Variants in CABIN1 observed in about 807,000 individuals in gnomAD.
CABIN1 encodes calcineurin-binding protein cabin-1.
CABIN1 carries 133 observed loss-of-function variants against 227.7 expected under a neutral mutation model. The observed-to-expected ratio is 0.58, with a 90% CI of 0.51 to 0.67. The LOEUF (loss-of-function observed/expected upper bound fraction) is 0.67, where lower values mean the gene tolerates loss of function less well. Among genes scored for constraint, CABIN1 ranks in the 30% least tolerant of loss-of-function variants. CABIN1 has a pLI of 0.00. For synonymous variants in CABIN1, 1,086 were observed against 1,155.1 expected, an observed-to-expected ratio of 0.94 and a Z score of 1.21; for missense variants, 2,408 against 2,852.5, an observed-to-expected ratio of 0.84 and a Z score of 3.55.
intron 28 of CABIN1, among the ~76,000 whole-genome samples, chr22:24,131,234 C>T (rs2148133470): frequency 6.6e-6 from 1 of 151,794 alleles, no homozygotes; most frequent in African/African-American, 2.4e-5. Context: ...CACATCTCCT[C>T]CTGCTGGCCT....
chr22:24,029,698 G>T (rs1331046690), intron 1 of CABIN1, among the ~76,000 whole-genome samples: 1 of 152,228 alleles, frequency 6.6e-6, no homozygotes, highest in Non-Finnish European at 1.5e-5. Context: ...AGGAAGAGTG[G>T]TAATGATGGA....
chr22:24,168,915 C>T (rs533269879), intron 33 of CABIN1, among the ~76,000 whole-genome samples: 27 of 152,244 alleles, frequency 1.8e-4, no homozygotes, highest in Admixed American at 1.3e-3. Context: ...GACTGCCCCC[C>T]GCCCCACCGC....
rs538939602 is a variant in CABIN1, at chr22:24,079,261, C to T, written c.2748+2977C>T. On this transcript the variant is annotated intron_variant, in intron 19 of 36. Coordinates refer to ENST00000263119, the MANE Select transcript of CABIN1 (RefSeq NM_012295.4). ...CAAATCCTAGACATTTATATCAATT[C>T]ATCTGTAAGTATTTGTTATTATTTT... Among the ~76,000 whole-genome samples, 7 of 152,256 alleles carry T rather than the reference C, an allele frequency of 4.6e-5. No homozygotes were observed. In the South Asian group the frequency reaches 1.5e-3, roughly 32 times the overall value.
At chr22:24,032,705 A>G (rs774380213) in intron 1 of CABIN1, among the ~76,000 whole-genome samples, 5 of 152,138 alleles carry the variant, frequency 3.3e-5, no homozygotes, top group African/African-American at 4.8e-5. Flanking sequence ...TTTTAATGCT[A>G]TAGTTTCTAC....
intron 28 of CABIN1, among the ~76,000 whole-genome samples, chr22:24,129,115 C>T (rs1450011367): frequency 6.6e-6 from 1 of 152,182 alleles, no homozygotes; most frequent in Non-Finnish European, 1.5e-5. Context: ...CATCTTGGGA[C>T]AGCAGGTGTC....
At position 24,176,137 on chromosome 22, in the gene CABIN1, G is replaced by T; in HGVS notation, c.6067G>T (p.Glu2023Ter). Residue 2023 changes from glutamate (E) to a stop codon, truncating the protein, a stop_gained, in exon 35 of 37, where the codon GAG becomes TAG. Transcript: ENST00000263119. LOFTEE classifies it high-confidence loss of function. ...PEGEELARVA[E>*]GTSFPPQEPR... ...GGGAGAAGAGCTGGCGAGAGTGGCA[G>T]AGGGCACCAGCTTCCCGCCTCAGGA... 1 of 1,610,894 alleles carries T rather than the reference G, an allele frequency of 6.2e-7. No homozygotes were observed. The highest frequency in any genetic ancestry group is 8.5e-7 in the Non-Finnish European group (1 of 1,179,210).
chr22:24,074,228 A>T (rs1410771879), intron 18 of CABIN1, among the ~76,000 whole-genome samples: 1 of 152,192 alleles, frequency 6.6e-6, no homozygotes, highest in South Asian at 2.1e-4. Flanking sequence ...AATTATGCAA[A>T]CAAAAATTAG....
chr22:24,065,689 G>T lies in CABIN1; in HGVS notation c.2038-1298G>T, dbSNP rs566092365. Among the ~76,000 whole-genome samples the T allele has an allele frequency of 1.2e-4, 19 of 152,362 alleles. No individual in the cohort carries two copies. The East Asian group carries it at 1.9e-3, about 15-fold the overall frequency. On this transcript the variant is annotated intron_variant, in intron 15 of 36. Coordinates refer to ENST00000263119, the MANE Select transcript of CABIN1 (RefSeq NM_012295.4). ...GGAGGTTGTAGCAAGCCGAGATCAC[G>T]CCATTGCACTCTAGCCTGGGCACCA...
chr22:24,025,145 T>G (rs2035989798), intron 1 of CABIN1, among the ~76,000 whole-genome samples: 1 of 152,206 alleles, frequency 6.6e-6, no homozygotes, highest in Non-Finnish European at 1.5e-5. Flanking sequence ...AGTATTATAG[T>G]ATGGATAATG....
chr22:24,056,879 C>T (rs1569138975), intron 10 of CABIN1, among the ~76,000 whole-genome samples: 1 of 151,912 alleles, frequency 6.6e-6, no homozygotes, highest in Non-Finnish European at 1.5e-5. Context: ...GAACCAGGCT[C>T]CCCAGAGCTG....
chr22:24,165,235 C>T (rs538571147), intron 30 of CABIN1, among the ~76,000 whole-genome samples: 2 of 152,336 alleles, frequency 1.3e-5, no homozygotes, highest in Admixed American at 6.5e-5. Context: ...CCTGGGGCAC[C>T]CTGGAGCCAG....
chr22:24,013,239 C>T (rs1482230452), intron 1 of CABIN1, among the ~76,000 whole-genome samples: 1 of 147,772 alleles, frequency 6.8e-6, no homozygotes, highest in Non-Finnish European at 1.5e-5. Flanking sequence ...GCCTGTGGCC[C>T]AGGCTGGAGT....
chr22:24,021,915 C>A (rs933397151), intron 1 of CABIN1, among the ~76,000 whole-genome samples: 2 of 151,656 alleles, frequency 1.3e-5, no homozygotes, highest in African/African-American at 4.9e-5. Context: ...GAATCCCCGA[C>A]CTCAGGTGAT....
intron 1 of CABIN1, among the ~76,000 whole-genome samples, chr22:24,017,039 C>CTTT (rs767688741): frequency 1.1e-4 from 13 of 122,224 alleles, no homozygotes; most frequent in South Asian, 5.3e-4. Flanking sequence ...TACAATTTAT[C>CTTT]TTTTTTTTTT....
chr22:24,111,439 G>T (rs1395153339), intron 26 of CABIN1, among the ~76,000 whole-genome samples: 1 of 152,160 alleles, frequency 6.6e-6, no homozygotes, highest in Admixed American at 6.5e-5. Context: ...TCTTATAGGA[G>T]CGTGAACCCT....
At position 24,055,003 on chromosome 22, in the gene CABIN1, T is replaced by C. The variant is rs779625800; in HGVS notation, c.937T>C (p.Ser313Pro). The change falls in exon 9 of 37, where the codon TCC (serine) becomes CCC (proline). Residue 313 changes from serine (S) to proline (P), a missense_variant. By Grantham distance (74) the Ser-to-Pro change is moderately conservative. Coordinates refer to ENST00000263119, the MANE Select transcript of CABIN1 (RefSeq NM_012295.4). ...GGACCCCAGCCAGCCTCTTGAGTCCTCCATGGTGGTGACGCCAGTTAACGT... is the reference window on the plus strand; with the variant it reads ...GGACCCCAGCCAGCCTCTTGAGTCCCCCATGGTGGTGACGCCAGTTAACGT... ...YQDPSQPLES[S>P]MVVTPVNVIQ... The C allele has an allele frequency of 1.2e-6, 2 of 1,614,108 alleles. No homozygotes were observed. The highest frequency in any genetic ancestry group is 3.3e-5 in the Admixed American group (2 of 60,002).
At chr22:24,038,245 C>T in intron 3 of CABIN1, 103 bp from the exon 4 acceptor site, 2 of 854,370 alleles carry the variant, frequency 2.3e-6, no homozygotes, top group East Asian at 5.0e-5. Context: ...TATCTAATCA[C>T]ATGGTTGGTT....
At position 24,169,664 on chromosome 22, in the gene CABIN1, A is replaced by G. The variant is rs1456068912; in HGVS notation, c.5757+1143A>G. Among the ~76,000 whole-genome samples, 5 of 152,312 alleles carry G rather than the reference A, an allele frequency of 3.3e-5. No homozygotes were observed. In the South Asian group the frequency reaches 1.0e-3, roughly 32 times the overall value. On this transcript the variant is annotated intron_variant, in intron 33 of 36. Transcript: ENST00000263119. ...GGGCCCCAGTGCTGGGCGCAGGCCC[A>G]GGCCCAGGTCCACCAGGGTGCCCCT...
At chr22:24,129,536 A>C (rs1026771936) in intron 28 of CABIN1, among the ~76,000 whole-genome samples, 1 of 152,158 alleles carries the variant, frequency 6.6e-6, no homozygotes, top group Non-Finnish European at 1.5e-5. Context: ...ATGAAAGGTC[A>C]GACTGCTCAG....
Sources: gnomAD v4.1 joint callset for allele counts (sites outside exome capture counted in the v4.1 genomes callset) on GRCh38, gnomAD v4.1.1 for gene constraint, MANE v1.5 for transcripts, NCBI Gene and HGNC (gene_info 2026-07-23, HGNC 2026-07-21) for gene names.